Variants in PDE6B observed in about 807,000 individuals in gnomAD.
The protein encoded by PDE6B is rod cGMP-specific 3',5'-cyclic phosphodiesterase subunit beta.
A neutral mutation model predicts 109.0 loss-of-function variants in PDE6B; 106 were observed. The ratio of observed to expected loss-of-function variants is 0.97; its 90% CI spans 0.83 to 1.14. The LOEUF is 1.14. Ranked by LOEUF, PDE6B falls within the 50% of genes most tolerant of loss-of-function variation. The pLI is 0.00. For missense variants in PDE6B, 1,193 were observed against 1,155.6 expected, an observed-to-expected ratio of 1.03 and a Z score of -0.47; for synonymous variants, 490 against 471.3, an observed-to-expected ratio of 1.04 and a Z score of -0.51.
intron 2 of PDE6B, among the ~76,000 whole-genome samples, chr4:635,352 T>C (rs374736355): frequency 2.2e-4 from 28 of 126,408 alleles, no homozygotes; most frequent in African/African-American, 9.0e-4. Flanking sequence ...CCTGCCTGCC[T>C]GCCTGCCCGC....
Position 670,028 on chromosome 4 carries a change from TTC to T in PDE6B, c.2504-16_2504-15del, listed in dbSNP as rs778445028. 5 of 1,610,080 alleles carry T rather than the reference TTC, an allele frequency of 3.1e-6. No homozygotes were observed. Among genetic ancestry groups the T allele is most frequent in the East Asian group, 2.2e-5 (1 of 44,858 alleles). ...TGCACAGGTGGTTCCACTCACCATCTTCTGTCTTCTCTTGCAGTAGGCACAGA... is the reference window on the plus strand; with the variant it reads ...TGCACAGGTGGTTCCACTCACCATCTTGTCTTCTCTTGCAGTAGGCACAGA... On this transcript the variant is annotated splice_polypyrimidine_tract_variant and intron_variant, in intron 21 of 21. Transcript: ENST00000496514.
intron 6 of PDE6B, chr4:655,188 G>A (rs1560120601): frequency 2.1e-5 from 10 of 479,770 alleles, no homozygotes; most frequent in Middle Eastern, 5.9e-4. Context: ...AGGCGGCCTC[G>A]TCAGCAACAA....
intron 3 of PDE6B, among the ~76,000 whole-genome samples, chr4:637,831 A>G (rs1157673143): frequency 2.0e-5 from 3 of 152,216 alleles, no homozygotes; most frequent in African/African-American, 7.2e-5. Flanking sequence ...AGCGCGACAC[A>G]TTCTGGCTTC....
Position 636,211 on chromosome 4 carries a change from G to C in PDE6B, c.711+242G>C, listed in dbSNP as rs959190841. 6.6e-6 allele frequency among the ~76,000 whole-genome samples: 1 copy of C among 152,230 alleles called. No individual in the cohort carries two copies. Among genetic ancestry groups the C allele is most frequent in the African/African-American group, 2.4e-5 (1 of 41,460 alleles). On this transcript the variant is annotated intron_variant, in intron 3 of 21. Coordinates refer to ENST00000496514, the MANE Select transcript of PDE6B (RefSeq NM_000283.4). This position sits in a 1 kb window ranked among gnomAD's most constrained non-coding sequence, Gnocchi z 4.5. ...AGAGTGGGTGTGAGGCACCTGCAGAGGGGGAAAGGGGCACCTTTCCTAGAG... is the reference window on the plus strand; with the variant it reads ...AGAGTGGGTGTGAGGCACCTGCAGACGGGGAAAGGGGCACCTTTCCTAGAG...
At position 663,611 on chromosome 4, in the gene PDE6B, G is replaced by A. The variant is rs1737396223; in HGVS notation, c.1921-159G>A. On this transcript the variant is annotated intron_variant, in intron 15 of 21. Coordinates refer to ENST00000496514, the MANE Select transcript of PDE6B (RefSeq NM_000283.4). The surrounding 1 kb of genome is among the most constrained non-coding windows in gnomAD (Gnocchi z 4.0). Reference sequence around the variant, plus strand: ...CTGGTGGAGAGCTGGGCACCCTGAGGAGGGCCCTGAGCAGCAGGCGGATTA... The same window carrying A: ...CTGGTGGAGAGCTGGGCACCCTGAGAAGGGCCCTGAGCAGCAGGCGGATTA... 2 of 674,272 alleles carry A rather than the reference G, an allele frequency of 3.0e-6. No individual in the cohort carries two copies. The highest frequency in any genetic ancestry group is 2.2e-5 in the Admixed American group (1 of 45,408). The allele number at this position is 674,272 out of a possible 1,614,324, so 41.8% of individuals were successfully genotyped here.
At chr4:637,171 G>T (rs1439852538) in intron 3 of PDE6B, among the ~76,000 whole-genome samples, 1 of 151,686 alleles carries the variant, frequency 6.6e-6, no homozygotes, top group Non-Finnish European at 1.5e-5. Flanking sequence ...CTTTTACTTG[G>T]CTTCTGTGCC....
chr4:637,640 G>A (rs914498032), intron 3 of PDE6B, among the ~76,000 whole-genome samples: 1 of 152,224 alleles, frequency 6.6e-6, no homozygotes, highest in African/African-American at 2.4e-5. Context: ...CAGGAGCCGC[G>A]GCCTGGGGGC....
In PDE6B at chr4:663,191, G is replaced by T; in HGVS notation, c.1920+4G>T. On this transcript the variant is annotated splice_donor_region_variant and intron_variant, in intron 15 of 21. Transcript: ENST00000496514. This position sits in a 1 kb window ranked among gnomAD's most constrained non-coding sequence, Gnocchi z 4.0. ...GAAGTTCCTGCTCTCGGAGGAGGTT[G>T]GTATACTCACCCTCGGTTTCTGCTG... is the stretch of plus-strand genomic sequence containing the variant. The T allele has an allele frequency of 6.5e-7, 1 of 1,545,356 alleles. No homozygotes were observed. Among genetic ancestry groups the T allele is most frequent in the Non-Finnish European group, 9.0e-7 (1 of 1,117,198 alleles).
rs1377183200 is a variant in PDE6B, at chr4:648,777, G to A, written c.712-5075G>A. 1.3e-5 allele frequency among the ~76,000 whole-genome samples: 2 copies of A among 152,248 alleles called. No homozygotes were observed. The highest frequency in any genetic ancestry group is 2.9e-5 in the Non-Finnish European group (2 of 68,048). ...GCCCAGCTGTCTGAGCTGCAGCAAAGCTGCATGAAAGGCCTGTGGGTGCAG... is the reference window on the plus strand; with the variant it reads ...GCCCAGCTGTCTGAGCTGCAGCAAAACTGCATGAAAGGCCTGTGGGTGCAG... On this transcript the variant is annotated intron_variant, in intron 3 of 21. Transcript: ENST00000496514. This position sits in a 1 kb window ranked among gnomAD's most constrained non-coding sequence, Gnocchi z 4.5.
At chr4:661,860 G>A (rs528004309) in intron 12 of PDE6B, 21 of 499,744 alleles carry the variant, frequency 4.2e-5, no homozygotes, top group African/African-American at 2.5e-4. Flanking sequence ...CCAGGCAGTC[G>A]GATGGAGGCT....
Position 658,960 on chromosome 4 carries a change from A to G in PDE6B, c.1410A>G (p.Arg470=). The G allele has an allele frequency of 6.2e-7, 1 of 1,612,614 alleles. No individual in the cohort carries two copies. The change falls in exon 11 of 22, where the codon AGA becomes AGG. Residue 470 remains arginine, a synonymous_variant. Transcript: ENST00000496514. ...RDEIQLILPT[R]ARLGKEPADC... ...TCTGTGTCTCTGTGTAGCCAACCAG[A>G]GCGCGCCTGGGGAAGGAGCCTGCTG...
rs930005557 is a variant in PDE6B at position 662,460 on chromosome 4, C to T, written c.1723-49C>T. ...GTCATCCCAACCCCTCACCACTCCC[C>T]ACCCTGCTGGAGCCAGGACCGGTGA... On this transcript the variant is annotated intron_variant, in intron 13 of 21. Coordinates refer to ENST00000496514, the MANE Select transcript of PDE6B (RefSeq NM_000283.4). This position sits in a 1 kb window ranked among gnomAD's most constrained non-coding sequence, Gnocchi z 4.3. The T allele has an allele frequency of 7.6e-7, 1 of 1,313,976 alleles. No individual in the cohort carries two copies. The highest frequency in any genetic ancestry group is 1.1e-6 in the Non-Finnish European group (1 of 907,300). The allele number at this position is 1,313,976 out of a possible 1,614,324, so 81.4% of individuals were successfully genotyped here.
intron 3 of PDE6B, among the ~76,000 whole-genome samples, chr4:651,042 C>G (rs1214841286): frequency 2.0e-5 from 3 of 151,948 alleles, no homozygotes; most frequent in African/African-American, 7.3e-5. Flanking sequence ...GGGGCTGTCA[C>G]AGGCAGGACG....
intron 1 of PDE6B, among the ~76,000 whole-genome samples, chr4:631,917 G>A (rs893008340): frequency 1.1e-4 from 16 of 151,862 alleles, no homozygotes; most frequent in African/African-American, 3.1e-4. Flanking sequence ...ATGGATTCAT[G>A]TGTCACCATC....
rs1172700274 is a variant in PDE6B, at chr4:633,911, G to C, written c.469-766G>C. Reference sequence around the variant, plus strand: ...CTCGCTGTGTCTGAGCTGAGGCAGAGCTCAGCTGACCTGTTCCTTGAGGGG... The same window carrying C: ...CTCGCTGTGTCTGAGCTGAGGCAGACCTCAGCTGACCTGTTCCTTGAGGGG... On this transcript the variant is annotated intron_variant, in intron 1 of 21. Transcript: ENST00000496514. The surrounding 1 kb of genome is among the most constrained non-coding windows in gnomAD (Gnocchi z 4.5). 1.3e-5 allele frequency among the ~76,000 whole-genome samples: 2 copies of C among 152,128 alleles called. No individual in the cohort carries two copies. The highest frequency in any genetic ancestry group is 6.5e-5 in the Admixed American group (1 of 15,288).
At chr4:659,637 C>G (rs1472916623) in intron 11 of PDE6B, among the ~76,000 whole-genome samples, 1 of 146,750 alleles carries the variant, frequency 6.8e-6, no homozygotes, top group African/African-American at 2.5e-5. Context: ...CACATGTGTA[C>G]ACATGTGTGT....
rs1297487224 is a variant in PDE6B, at chr4:648,634, C to T, written c.712-5218C>T. On this transcript the variant is annotated intron_variant, in intron 3 of 21. Transcript: ENST00000496514. This position sits in a 1 kb window ranked among gnomAD's most constrained non-coding sequence, Gnocchi z 4.5. ...CCCTTTCTGAAAAGCCTCTCGGACA[C>T]TCCCATCAGAGCCAACAGAGGCCGC... Among the ~76,000 whole-genome samples, 2 of 152,238 alleles carry T rather than the reference C, an allele frequency of 1.3e-5. No homozygotes were observed. The highest frequency in any genetic ancestry group is 2.9e-5 in the Non-Finnish European group (2 of 68,054).
chr4:663,285 C>T lies in PDE6B; in HGVS notation c.1920+98C>T. On this transcript the variant is annotated intron_variant, in intron 15 of 21. Coordinates refer to ENST00000496514, the MANE Select transcript of PDE6B (RefSeq NM_000283.4). The surrounding 1 kb of genome is among the most constrained non-coding windows in gnomAD (Gnocchi z 4.0). Reference sequence around the variant, plus strand: ...CCTGCGGAGCAGGGTTCTGATGCAGCGGGTGAGCACTGGGTGTGTGAGCAC... The same window carrying T: ...CCTGCGGAGCAGGGTTCTGATGCAGTGGGTGAGCACTGGGTGTGTGAGCAC... The T allele has an allele frequency of 3.9e-6, 3 of 778,334 alleles. No individual in the cohort carries two copies. The highest frequency in any genetic ancestry group is 1.4e-5 in the South Asian group (1 of 72,588). The allele number at this position is 778,334 out of a possible 1,614,324, so 48.2% of individuals were successfully genotyped here. A position where few individuals can be genotyped will look rare whatever the true frequency, so the allele number is the denominator to read the frequency against.
Position 663,083 on chromosome 4 carries a change from C to T in PDE6B, c.1833-17C>T, listed in dbSNP as rs773721837. On this transcript the variant is annotated splice_polypyrimidine_tract_variant and intron_variant, in intron 14 of 21. Coordinates refer to ENST00000496514, the MANE Select transcript of PDE6B (RefSeq NM_000283.4). The surrounding 1 kb of genome is among the most constrained non-coding windows in gnomAD (Gnocchi z 4.0). ...GGGCAGGTCCCACGGGCCTCACCTC[C>T]ACCACCTGTGTAACAGGTCCCAGAA... 5.4e-5 allele frequency: 82 copies of T among 1,512,142 alleles called. No homozygotes were observed. The Admixed American group carries it at 6.8e-4, about 13-fold the overall frequency. The allele number at this position is 1,512,142 out of a possible 1,614,324, so 93.7% of individuals were successfully genotyped here.
Sources: gnomAD v4.1 joint callset for allele counts (sites outside exome capture counted in the v4.1 genomes callset) on GRCh38, gnomAD v4.1.1 for gene constraint, Gnocchi (gnomAD v3.1) non-coding constraint, MANE v1.5 for transcripts, NCBI Gene and HGNC (gene_info 2026-07-23, HGNC 2026-07-21) for gene names.